The following PATJ variants were observed in gnomAD, a reference collection of about 807,000 sequenced individuals.
PATJ encodes inaD-like protein.
PATJ carries 190 observed loss-of-function variants against 224.9 expected under a neutral mutation model. The ratio of observed to expected loss-of-function variants is 0.84; its 90% CI spans 0.75 to 0.95. The LOEUF (loss-of-function observed/expected upper bound fraction) is 0.95. Among genes scored for constraint, PATJ ranks in the 40% least tolerant of loss-of-function variants. PATJ has a pLI of 0.00. For missense variants in PATJ, 2,121 were observed against 2,270.3 expected, an observed-to-expected ratio of 0.93 and a Z score of 1.34; for synonymous variants, 769 against 820.3, an observed-to-expected ratio of 0.94 and a Z score of 1.07.
chr1:61,979,439 G>C (rs558095845), intron 27 of PATJ, among the ~76,000 whole-genome samples: 3 of 152,100 alleles, frequency 2.0e-5, no homozygotes, highest in African/African-American at 7.2e-5. Flanking sequence ...CAGATCACGA[G>C]GTCAGGAGAT....
chr1:62,115,277 T>TC (rs1664329983), intron 35 of PATJ, among the ~76,000 whole-genome samples: 1 of 151,954 alleles, frequency 6.6e-6, no homozygotes, highest in Non-Finnish European at 1.5e-5. Context: ...GCCATTGCAT[T>TC]CCAGCCTGTG....
intron 27 of PATJ, among the ~76,000 whole-genome samples, chr1:61,968,347 CACA>C (rs1196031722): frequency 6.6e-6 from 1 of 152,116 alleles, no homozygotes; most frequent in African/African-American, 2.4e-5. Flanking sequence ...AGAGCTTGAT[CACA>C]ACGTTAGCCG....
chr1:61,847,694 C>T (rs1266566392), intron 17 of PATJ, among the ~76,000 whole-genome samples: 4 of 152,196 alleles, frequency 2.6e-5, no homozygotes, highest in Non-Finnish European at 5.9e-5. Context: ...TTTGCATTCA[C>T]TATAAACACA....
intron 37 of PATJ, among the ~76,000 whole-genome samples, chr1:62,120,706 C>T (rs565514160): frequency 6.6e-6 from 1 of 152,198 alleles, no homozygotes; most frequent in South Asian, 2.1e-4. Flanking sequence ...CTTTTTTCCC[C>T]ACAATTGAGG....
intron 26 of PATJ, among the ~76,000 whole-genome samples, chr1:61,926,557 T>G (rs1484012530): frequency 6.6e-6 from 1 of 151,796 alleles, no homozygotes; most frequent in Non-Finnish European, 1.5e-5. Flanking sequence ...ACTTTTAAGT[T>G]TTTTTTTCAA....
At chr1:61,775,690 A>G (rs1224988060) in intron 7 of PATJ, among the ~76,000 whole-genome samples, 1 of 152,220 alleles carries the variant, frequency 6.6e-6, no homozygotes, top group Admixed American at 6.5e-5. Context: ...ATCAGAAGAT[A>G]CAGTGATTAT....
chr1:61,955,981 T>G (rs1327308315), intron 27 of PATJ, among the ~76,000 whole-genome samples: 1 of 152,234 alleles, frequency 6.6e-6, no homozygotes, highest in Non-Finnish European at 1.5e-5. Flanking sequence ...TGAAAAATGT[T>G]TACTGTATTC....
chr1:61,993,951 G>A (rs1645210082), intron 28 of PATJ, among the ~76,000 whole-genome samples: 1 of 151,912 alleles, frequency 6.6e-6, no homozygotes, highest in Non-Finnish European at 1.5e-5. Context: ...CCCTTTCATT[G>A]CAATTCAGCA....
chr1:62,144,260 C>G (rs569461406), intron 41 of PATJ, among the ~76,000 whole-genome samples: 7 of 152,186 alleles, frequency 4.6e-5, no homozygotes, highest in Middle Eastern at 3.2e-3. Context: ...TGTTCTCATT[C>G]TTCATACAGT....
At chr1:62,008,167 G>A (rs1048905018) in intron 28 of PATJ, among the ~76,000 whole-genome samples, 2 of 152,160 alleles carry the variant, frequency 1.3e-5, no homozygotes, top group African/African-American at 4.8e-5. Context: ...AATCTTGGTT[G>A]TCCTAGCCTA....
intron 30 of PATJ, among the ~76,000 whole-genome samples, chr1:62,048,545 C>CAAAAAAAAAAAAA (rs773157635): frequency 3.2e-4 from 21 of 66,180 alleles, no homozygotes; most frequent in Non-Finnish European, 5.2e-4. Flanking sequence ...GACTCTGTCT[C>CAAAAAAAAAAAAA]AAAAAAAAAA....
chr1:61,797,485 C>G, intron 11 of PATJ, 57 bp downstream of exon 11: 1 of 1,463,212 alleles, frequency 6.8e-7, no homozygotes, highest in South Asian at 1.2e-5. Context: ...AAGAGCAGTT[C>G]AATTATGGAA....
At chr1:62,000,271 A>T (rs1282733173) in intron 28 of PATJ, among the ~76,000 whole-genome samples, 3 of 150,484 alleles carry the variant, frequency 2.0e-5, no homozygotes, top group East Asian at 3.9e-4. Flanking sequence ...ATATGTATAC[A>T]TGTGCCATGC....
chr1:61,788,126 CAT>C (rs1648981913), intron 8 of PATJ, among the ~76,000 whole-genome samples, 154 bp downstream of exon 8: 1 of 151,848 alleles, frequency 6.6e-6, no homozygotes, highest in African/African-American at 2.4e-5. Flanking sequence ...AGACATTAGA[CAT>C]GTTGGTTTTC....
intron 20 of PATJ, among the ~76,000 whole-genome samples, chr1:61,870,921 A>G (rs1666236167): frequency 6.6e-6 from 1 of 152,150 alleles, no homozygotes; most frequent in Admixed American, 6.5e-5. Context: ...TCTTAGGAGT[A>G]TAAAGTGCTA....
intron 27 of PATJ, among the ~76,000 whole-genome samples, chr1:61,929,956 T>G (rs1033700741): frequency 2.1e-4 from 32 of 152,164 alleles, no homozygotes; most frequent in Admixed American, 1.8e-3. Flanking sequence ...CTCCCCAAAG[T>G]TACAAGCTCA....
Position 61,908,451 on chromosome 1 carries a change from T to A in PATJ, c.3461T>A (p.Phe1154Tyr), listed in dbSNP as rs1157492842. The A allele has an allele frequency of 4.3e-6, 7 of 1,613,838 alleles. No homozygotes were observed. Among genetic ancestry groups the A allele is most frequent in the Middle Eastern group, 3.3e-4 (2 of 6,060 alleles). Residue 1154 changes from phenylalanine to tyrosine, a missense_variant, in exon 25 of 44, where the codon TTC (phenylalanine) becomes TAC (tyrosine). Coordinates refer to ENST00000642238, the MANE Select transcript of PATJ (RefSeq NM_001350145.3). ...AIKNAGNPVV[F>Y]IVQSLSSTPR... is the part of the protein sequence containing the mutation. ...AAGAATGCAGGAAACCCTGTGGTGTTCATTGTTCAGAGTTTGTCATCCACT... is the reference window on the plus strand; with the variant it reads ...AAGAATGCAGGAAACCCTGTGGTGTACATTGTTCAGAGTTTGTCATCCACT...
intron 37 of PATJ, among the ~76,000 whole-genome samples, chr1:62,119,632 G>A (rs1299094119): frequency 1.3e-5 from 2 of 152,048 alleles, no homozygotes; most frequent in Admixed American, 1.3e-4. Flanking sequence ...ACACAGTCAG[G>A]CAAAGTGTAC....
At chr1:61,861,786 A>G (rs1271000033) in intron 19 of PATJ, 119 bp downstream of exon 19, 2 of 532,106 alleles carry the variant, frequency 3.8e-6, no homozygotes, top group Non-Finnish European at 6.7e-6. Context: ...AAGTAGAAAT[A>G]AATAAAGACA....
Sources: allele counts gnomAD v4.1 joint callset (sites outside exome capture counted in the v4.1 genomes callset), GRCh38; gene constraint gnomAD v4.1.1; transcripts MANE v1.5; gene names NCBI Gene and HGNC (gene_info 2026-07-23, HGNC 2026-07-21).